The following GNG7 variants were observed in gnomAD, a reference collection of about 807,000 sequenced individuals.
GNG7 encodes G protein subunit gamma 7.
Under a neutral mutation model 4.0 loss-of-function variants are expected in GNG7, and 1 was observed. That is an observed-to-expected ratio of 0.25 (90% confidence interval 0.09 to 1.18). The LOEUF is 1.18. Among genes scored for constraint, GNG7 ranks in the 50% most tolerant of loss-of-function variants. The pLI, the probability that GNG7 is intolerant of heterozygous loss-of-function variation, is 0.50. For missense variants in GNG7, 86 were observed against 91.9 expected (o/e 0.94, Z 0.26); for synonymous variants, 34 against 36.9 (o/e 0.92, Z 0.29).
chr19:2,526,697 TTA>T (rs1385703546), intron 3 of GNG7, among the ~76,000 whole-genome samples: 5 of 149,662 alleles, frequency 3.3e-5, no homozygotes, highest in Non-Finnish European at 7.4e-5. Flanking sequence ...ACATTATTAA[TTA>T]TATAGTTTGA....
At chr19:2,625,874 G>A (rs1218773794) in intron 2 of GNG7, among the ~76,000 whole-genome samples, 3 of 152,080 alleles carry the variant, frequency 2.0e-5, no homozygotes, top group Non-Finnish European at 2.9e-5. Context: ...CCGCAACTCC[G>A]CCTCCCGGGT....
chr19:2,517,434 G>C (rs536728208), intron 4 of GNG7, among the ~76,000 whole-genome samples: 1 of 151,934 alleles, frequency 6.6e-6, no homozygotes, highest in Non-Finnish European at 1.5e-5. Context: ...GCGTGATCTC[G>C]GCTCACTGCA....
chr19:2,566,922 G>A (rs1979928186), intron 2 of GNG7, among the ~76,000 whole-genome samples: 1 of 152,044 alleles, frequency 6.6e-6, no homozygotes, highest in Admixed American at 6.6e-5. Context: ...GACCAACATG[G>A]TGAAACCCCG....
intron 2 of GNG7, among the ~76,000 whole-genome samples, chr19:2,573,576 G>A (rs1383451870): frequency 2.6e-5 from 4 of 152,086 alleles, no homozygotes; most frequent in Admixed American, 6.5e-5. Context: ...CAGCAGTTTC[G>A]GAGGCCGAGG....
chr19:2,602,392 C>T (rs1981227482), intron 2 of GNG7, among the ~76,000 whole-genome samples: 1 of 152,246 alleles, frequency 6.6e-6, no homozygotes. Context: ...GCGTCCTCTG[C>T]AGGCCCTGGC....
intron 1 of GNG7, among the ~76,000 whole-genome samples, chr19:2,701,988 C>A (rs1403019177): frequency 6.7e-6 from 1 of 150,314 alleles, no homozygotes; most frequent in South Asian, 2.1e-4. Flanking sequence ...CTCTAGCCCC[C>A]TCCCCAGCAA....
intron 1 of GNG7, among the ~76,000 whole-genome samples, chr19:2,696,665 C>T (rs888237256): frequency 3.3e-5 from 5 of 152,210 alleles, no homozygotes; most frequent in African/African-American, 7.2e-5. Context: ...GGCCACAGCA[C>T]GGATGCACCT....
chr19:2,689,292 T>C (rs2144908380), intron 1 of GNG7, among the ~76,000 whole-genome samples: 1 of 151,820 alleles, frequency 6.6e-6, no homozygotes, highest in South Asian at 2.1e-4. Context: ...TCCCAAATCA[T>C]TAAGCCCTTC....
At chr19:2,561,169 G>A (rs1296349879) in intron 2 of GNG7, among the ~76,000 whole-genome samples, 2 of 152,016 alleles carry the variant, frequency 1.3e-5, no homozygotes, top group South Asian at 2.1e-4. Flanking sequence ...ATCATGGGAC[G>A]CAGAGTCTCT....
intron 2 of GNG7, among the ~76,000 whole-genome samples, chr19:2,625,944 C>G (rs1254530303): frequency 6.6e-6 from 1 of 152,046 alleles, no homozygotes; most frequent in Admixed American, 6.6e-5. Flanking sequence ...CCCACCACCA[C>G]GCCTGGCTAA....
intron 2 of GNG7, among the ~76,000 whole-genome samples, chr19:2,568,534 TAC>T (rs1980024906): frequency 1.3e-5 from 2 of 149,134 alleles, no homozygotes; most frequent in African/African-American, 2.5e-5. Flanking sequence ...CGTGCACATA[TAC>T]ACACATACAC....
intron 1 of GNG7, among the ~76,000 whole-genome samples, chr19:2,686,814 C>T (rs948727772): frequency 4.0e-5 from 6 of 150,592 alleles, no homozygotes; most frequent in East Asian, 2.0e-4. Context: ...TACAGTGGCA[C>T]GATCTCGGCT....
chr19:2,637,727 C>T (rs1275584691), intron 2 of GNG7, among the ~76,000 whole-genome samples: 2 of 152,322 alleles, frequency 1.3e-5, no homozygotes, highest in Middle Eastern at 3.4e-3. Context: ...GTGGGGCCGT[C>T]CTGGGCACCA....
intron 4 of GNG7, among the ~76,000 whole-genome samples, chr19:2,520,120 GC>G (rs1978299929): frequency 6.6e-6 from 1 of 152,232 alleles, no homozygotes; most frequent in Non-Finnish European, 1.5e-5. Context: ...GGCAGAGGTT[GC>G]AGTGAGCCGA....
At chr19:2,685,711 C>G (rs563262633) in intron 1 of GNG7, among the ~76,000 whole-genome samples, 1 of 152,102 alleles carries the variant, frequency 6.6e-6, no homozygotes, top group Non-Finnish European at 1.5e-5. Context: ...TGGGAAGTCA[C>G]GAGGCCCCGT....
chr19:2,540,753 G>A (rs1301859530), intron 3 of GNG7, among the ~76,000 whole-genome samples: 5 of 152,216 alleles, frequency 3.3e-5, no homozygotes, highest in African/African-American at 1.2e-4. Context: ...GAGACCTGCC[G>A]GAGCAAACCC....
At chr19:2,588,258 A>C (rs1302074627) in intron 2 of GNG7, among the ~76,000 whole-genome samples, 1 of 152,114 alleles carries the variant, frequency 6.6e-6, no homozygotes, top group South Asian at 2.1e-4. Context: ...ACTGGTGACA[A>C]TGTTGTTTGT....
At chr19:2,558,244 G>GTTT (rs1435255853) in intron 2 of GNG7, among the ~76,000 whole-genome samples, 3 of 48,676 alleles carry the variant, frequency 6.2e-5, no homozygotes, top group African/African-American at 4.1e-4. Context: ...TTTTGTTTTT[G>GTTT]TTTTTGTTTT....
intron 1 of GNG7, among the ~76,000 whole-genome samples, chr19:2,652,372 C>T (rs370563105): frequency 5.2e-4 from 79 of 151,842 alleles, no homozygotes; most frequent in African/African-American, 1.9e-3. Flanking sequence ...GTAATCCCAG[C>T]GCTTTGGGAG....
Sources: allele counts gnomAD v4.1 joint callset (sites outside exome capture counted in the v4.1 genomes callset), GRCh38; gene constraint gnomAD v4.1.1; transcripts MANE v1.5; gene names NCBI Gene and HGNC (gene_info 2026-07-23, HGNC 2026-07-21).